Variants in AGAP5 observed in about 807,000 individuals in gnomAD.
AGAP5 encodes the protein arf-GAP with GTPase, ANK repeat and PH domain-containing protein 5.
In AGAP5, 8 loss-of-function variants were observed where a neutral mutation model predicts 27.7. The observed-to-expected ratio is 0.29, with a 90% CI of 0.17 to 0.52. The LOEUF (loss-of-function observed/expected upper bound fraction) is 0.52. Ranked by LOEUF, AGAP5 falls within the 20% of genes least tolerant of loss-of-function variation. The probability of loss-of-function intolerance (pLI) is 0.97; values close to 1 mark genes in which losing one functional copy is unlikely to be tolerated. For missense variants in AGAP5, 285 were observed against 880.8 expected (o/e 0.32, Z 8.56); for synonymous variants, 111 against 338.0 (o/e 0.33, Z 7.37).
At chr10:73,694,530 G>T (rs2082145000) in intron 3 of AGAP5, among the ~76,000 whole-genome samples, 1 of 152,024 alleles carries the variant, frequency 6.6e-6, no homozygotes, top group African/African-American at 2.4e-5. Context: ...TAAAAAGATG[G>T]CAAAATGTAT....
Position 73,675,235 on chromosome 10 carries a change from C to T in AGAP5, c.1425G>A (p.Gly475=). The change falls in exon 8 of 8, where the codon GGG becomes GGA. Residue 475 remains glycine (G), a synonymous_variant. Transcript: ENST00000374094. Reference sequence around the variant, plus strand: ...TCTCATAGTCCACACAGTGGGCGTTCCCACGCATGTTTTGGATCGACTGCA... The same window carrying T: ...TCTCATAGTCCACACAGTGGGCGTTTCCACGCATGTTTTGGATCGACTGCA... ...MALQSIQNMR[G]NAHCVDYETQ... 1.2e-6 allele frequency: 2 copies of T among 1,601,924 alleles called. No individual in the cohort carries two copies. Among genetic ancestry groups the T allele is most frequent in the Admixed American group, 3.4e-5 (2 of 59,420 alleles).
chr10:73,676,347 T>G (rs3861036), intron 7 of AGAP5, among the ~76,000 whole-genome samples: 46,903 of 110,674 alleles, frequency 0.42, 11,684 homozygotes, highest in Non-Finnish European at 0.56. Context: ...GGGCATGGTG[T>G]CACATGCCTG....
chr10:73,697,258 T>C, intron 1 of AGAP5, 95 bp from the exon 2 acceptor site: 1 of 1,566,088 alleles, frequency 6.4e-7, no homozygotes, highest in African/African-American at 1.4e-5. Flanking sequence ...ACAAGAGCCA[T>C]AAATAAATGG....
intron 4 of AGAP5, among the ~76,000 whole-genome samples, chr10:73,683,334 C>A (rs1267075176): frequency 1.4e-4 from 3 of 21,798 alleles, no homozygotes; most frequent in East Asian, 8.2e-4. Context: ...GGCCGGGAGA[C>A]AAAGTGAGAC....
intron 3 of AGAP5, among the ~76,000 whole-genome samples, chr10:73,692,633 A>ATTTTTT (rs71021562): frequency 2.6e-5 from 2 of 77,008 alleles, no homozygotes; most frequent in Non-Finnish European, 2.6e-5. Context: ...CCTATCTTAA[A>ATTTTTT]TTTTTTTTTT....
In AGAP5 at chr10:73,697,982, G is replaced by C; in HGVS notation, c.-227C>G. 1 of 1,477,442 alleles carries C rather than the reference G, an allele frequency of 6.8e-7. No individual in the cohort carries two copies. Among genetic ancestry groups the C allele is most frequent in the Non-Finnish European group, 8.9e-7 (1 of 1,119,436 alleles). The allele number at this position is 1,477,442 out of a possible 1,614,324, so 91.5% of individuals were successfully genotyped here. On this transcript the variant is annotated 5_prime_UTR_variant, in exon 1 of 8. Coordinates refer to ENST00000374094, the MANE Select transcript of AGAP5 (RefSeq NM_001144000.4). ...CCTGCTGCCTCCCCTGAGTTGACTT[G>C]TCTGGGAGGGTGAAGACCAGCTGGC...
At chr10:73,696,838 G>C (rs1307518366) in intron 2 of AGAP5, among the ~76,000 whole-genome samples, 1 of 152,180 alleles carries the variant, frequency 6.6e-6, no homozygotes, top group Non-Finnish European at 1.5e-5. Flanking sequence ...CCTCCATTCT[G>C]ATTTTAAATA....
At chr10:73,697,303 C>G in intron 1 of AGAP5, 140 bp from the exon 2 acceptor site, 1 of 1,455,812 alleles carries the variant, frequency 6.9e-7, no homozygotes. Flanking sequence ...GATGAGAGAG[C>G]AAGAACTGGG....
intron 3 of AGAP5, among the ~76,000 whole-genome samples, chr10:73,693,154 G>A (rs1004801029): frequency 5.1e-4 from 77 of 152,176 alleles, no homozygotes; most frequent in African/African-American, 1.8e-3. Flanking sequence ...GAGGGACATG[G>A]AATAGCTTTT....
At chr10:73,695,560 CT>C (rs1333057577) in intron 2 of AGAP5, among the ~76,000 whole-genome samples, 4 of 152,200 alleles carry the variant, frequency 2.6e-5, no homozygotes, top group Admixed American at 2.0e-4. Context: ...TACTTATGTG[CT>C]TTGTGTATAA....
intron 2 of AGAP5, 145 bp downstream of exon 2, chr10:73,696,950 T>G: frequency 1.5e-6 from 2 of 1,300,098 alleles, no homozygotes; most frequent in Non-Finnish European, 2.1e-6. Context: ...AGGTACCATC[T>G]GGATAGGTAC....
At chr10:73,677,583 A>G (rs2081990539) in intron 6 of AGAP5, among the ~76,000 whole-genome samples, 1 of 150,162 alleles carries the variant, frequency 6.7e-6, no homozygotes, top group Admixed American at 6.7e-5. Context: ...ATGTGGTTTC[A>G]CCATGTTGGC....
intron 4 of AGAP5, among the ~76,000 whole-genome samples, chr10:73,688,537 T>C (rs2082083291): frequency 6.7e-6 from 1 of 150,226 alleles, no homozygotes; most frequent in Admixed American, 6.6e-5. Flanking sequence ...TAAAACACTC[T>C]CAAAAAATAT....
At chr10:73,678,074 A>G (rs2081994782) in intron 6 of AGAP5, among the ~76,000 whole-genome samples, 1 of 151,926 alleles carries the variant, frequency 6.6e-6, no homozygotes, top group Non-Finnish European at 1.5e-5. Context: ...CACTTTTTTC[A>G]CAGAACATCA....
At chr10:73,690,606 T>TAAA (rs1183445618) in intron 4 of AGAP5, among the ~76,000 whole-genome samples, 7 of 114,976 alleles carry the variant, frequency 6.1e-5, no homozygotes, top group South Asian at 3.0e-4. Flanking sequence ...AATGATCAAT[T>TAAA]AAAAAAAAAA....
At chr10:73,678,587 CATA>C (rs1293885960) in intron 6 of AGAP5, among the ~76,000 whole-genome samples, 1 of 152,148 alleles carries the variant, frequency 6.6e-6, no homozygotes, top group Admixed American at 6.5e-5. Flanking sequence ...CACAATAAAA[CATA>C]AGCCAATATA....
chr10:73,696,210 G>A (rs1242641400), intron 2 of AGAP5, among the ~76,000 whole-genome samples: 4 of 151,966 alleles, frequency 2.6e-5, no homozygotes, highest in Admixed American at 1.3e-4. Context: ...TAGAGACAGC[G>A]TTTCACCATG....
At chr10:73,694,661 C>T in intron 3 of AGAP5, 75 bp downstream of exon 3, 1 of 1,591,206 alleles carries the variant, frequency 6.3e-7, no homozygotes, top group Non-Finnish European at 8.5e-7. Context: ...ATGAGTTTTT[C>T]TAAATACTTT....
At position 73,692,027 on chromosome 10, in the gene AGAP5, T is replaced by A. The variant is rs773732554; in HGVS notation, c.396+16A>T. On this transcript the variant is annotated intron_variant, in intron 4 of 7. Transcript: ENST00000374094. Reference sequence around the variant, plus strand: ...GTCAAACTATCAATTTCTTAACTATTTGAGTGTTTACTTACATGGTTTGTA... The same window carrying A: ...GTCAAACTATCAATTTCTTAACTATATGAGTGTTTACTTACATGGTTTGTA... 4 of 1,454,222 alleles carry A rather than the reference T, an allele frequency of 2.8e-6. No individual in the cohort carries two copies. The South Asian group carries it at 4.9e-5, about 18-fold the overall frequency. The allele number at this position is 1,454,222 out of a possible 1,614,324, so 90.1% of individuals were successfully genotyped here.
Sources: allele counts gnomAD v4.1 joint callset (sites outside exome capture counted in the v4.1 genomes callset), GRCh38; gene constraint gnomAD v4.1.1; transcripts MANE v1.5; gene names NCBI Gene and HGNC (gene_info 2026-07-23, HGNC 2026-07-21).